Variants in ADAMTS2 observed in about 807,000 individuals in gnomAD.
ADAMTS2 encodes the protein A disintegrin and metalloproteinase with thrombospondin motifs 2.
ADAMTS2 carries 50 observed loss-of-function variants against 123.0 expected under a neutral mutation model. The ratio of observed to expected loss-of-function variants is 0.41; its 90% CI spans 0.32 to 0.51. The LOEUF (loss-of-function observed/expected upper bound fraction) is 0.51, where lower values mean the gene tolerates loss of function less well. Among genes scored for constraint, ADAMTS2 ranks in the 20% least tolerant of loss-of-function variants. The probability of loss-of-function intolerance (pLI) is 0.35; values close to 1 mark genes in which losing one functional copy is unlikely to be tolerated. For missense variants in ADAMTS2, 1,494 were observed against 1,705.2 expected (o/e 0.88, Z 2.18); for synonymous variants, 678 against 695.4 (o/e 0.98, Z 0.39).
intron 3 of ADAMTS2, among the ~76,000 whole-genome samples, chr5:179,221,806 T>C (rs889075248): frequency 5.3e-5 from 8 of 152,084 alleles, no homozygotes. Flanking sequence ...TCTCTCCCAG[T>C]GAGTGTCAGG....
chr5:179,337,959 C>T (rs750230097), intron 2 of ADAMTS2, among the ~76,000 whole-genome samples: 3 of 151,764 alleles, frequency 2.0e-5, no homozygotes, highest in Non-Finnish European at 2.9e-5. Flanking sequence ...CCAGCTGACT[C>T]TGCAGGAGGG....
intron 6 of ADAMTS2, among the ~76,000 whole-genome samples, chr5:179,157,098 G>C (rs1248056393): frequency 6.6e-6 from 1 of 151,594 alleles, no homozygotes; most frequent in Non-Finnish European, 1.5e-5. Flanking sequence ...TGAGTAGCTG[G>C]GATTACAGGC....
chr5:179,132,151 CT>C lies in ADAMTS2; in HGVS notation c.2290+78del. The C allele has an allele frequency of 6.9e-7, 1 of 1,454,688 alleles. No homozygotes were observed. The highest frequency in any genetic ancestry group is 9.6e-7 in the Non-Finnish European group (1 of 1,044,026). The allele number at this position is 1,454,688 out of a possible 1,614,324, so 90.1% of individuals were successfully genotyped here. A position where few individuals can be genotyped will look rare whatever the true frequency, so the allele number is the denominator to read the frequency against. On this transcript the variant is annotated intron_variant, in intron 15 of 21. Coordinates refer to ENST00000251582, the MANE Select transcript of ADAMTS2 (RefSeq NM_014244.5). This position sits in a 1 kb window ranked among gnomAD's most constrained non-coding sequence, Gnocchi z 6.1. ...GCTGCACAACCCGGGCCCCTGACCCCTGACCCCTGGCACTCTGCCCATTGAT... is the reference window on the plus strand; with the variant it reads ...GCTGCACAACCCGGGCCCCTGACCCCGACCCCTGGCACTCTGCCCATTGAT...
intron 3 of ADAMTS2, among the ~76,000 whole-genome samples, chr5:179,216,673 G>T (rs534372468): frequency 5.9e-5 from 9 of 152,312 alleles, no homozygotes; most frequent in Non-Finnish European, 8.8e-5. Context: ...GCTCACCTCC[G>T]GGAGCCTCCA....
At chr5:179,157,500 T>C (rs529482471) in intron 6 of ADAMTS2, among the ~76,000 whole-genome samples, 6 of 152,042 alleles carry the variant, frequency 3.9e-5, no homozygotes, top group Admixed American at 2.0e-4. Context: ...TGATATTTCA[T>C]TGTGTTTTTA....
At chr5:179,325,623 T>C (rs961608612) in intron 2 of ADAMTS2, among the ~76,000 whole-genome samples, 1 of 152,204 alleles carries the variant, frequency 6.6e-6, no homozygotes, top group African/African-American at 2.4e-5. Flanking sequence ...CCTGAGCCAG[T>C]GAGAACTCAC....
rs537251191 is a variant in ADAMTS2 at position 179,130,706 on chromosome 5, TG to T, written c.2291-609del. 5.2e-3 allele frequency among the ~76,000 whole-genome samples: 787 copies of T among 152,104 alleles called. 2 individuals carry two copies. Among genetic ancestry groups the T allele is most frequent in the Middle Eastern group, 0.014 (4 of 294 alleles). On this transcript the variant is annotated intron_variant, in intron 15 of 21. Coordinates refer to ENST00000251582, the MANE Select transcript of ADAMTS2 (RefSeq NM_014244.5). The surrounding 1 kb of genome is among the most constrained non-coding windows in gnomAD (Gnocchi z 4.3). The stretch of plus-strand genomic sequence containing the variant: ...AGGAAGCCCCATGCTCTCTGCAGTG[TG>T]GGGGGTGGCTGCTGCGGGGCAGCTG...
At chr5:179,296,586 C>T (rs1273344903) in intron 2 of ADAMTS2, among the ~76,000 whole-genome samples, 1 of 152,122 alleles carries the variant, frequency 6.6e-6, no homozygotes, top group African/African-American at 2.4e-5. Context: ...GGACCAGTGG[C>T]ATCCGACTCG....
At chr5:179,140,164 T>C (rs1048621611) in intron 10 of ADAMTS2, 129 bp from the exon 11 acceptor site, 9 of 1,366,866 alleles carry the variant, frequency 6.6e-6, no homozygotes, top group South Asian at 1.2e-5. Context: ...GAGCTCACCC[T>C]CCTCGCCCCT....
chr5:179,326,016 C>T (rs188202997), intron 2 of ADAMTS2, among the ~76,000 whole-genome samples: 10 of 152,344 alleles, frequency 6.6e-5, no homozygotes, highest in East Asian at 3.9e-4. Flanking sequence ...GGGATCAGAG[C>T]GCTCCCCCAA....
At chr5:179,292,393 T>C (rs1218666734) in intron 2 of ADAMTS2, among the ~76,000 whole-genome samples, 1 of 151,436 alleles carries the variant, frequency 6.6e-6, no homozygotes. Context: ...CACTCGACCA[T>C]AAAGAACAGG....
chr5:179,283,549 CAAAAAAAAAAAA>C (rs3986816), intron 2 of ADAMTS2, among the ~76,000 whole-genome samples: 2 of 51,344 alleles, frequency 3.9e-5, no homozygotes, highest in African/African-American at 1.9e-4. Context: ...AGAAAAACAG[CAAAAAAAAAAAA>C]AAAAAAAAAT....
chr5:179,213,813 A>G (rs1260195147), intron 3 of ADAMTS2, among the ~76,000 whole-genome samples: 1 of 152,234 alleles, frequency 6.6e-6, no homozygotes, highest in African/African-American at 2.4e-5. Flanking sequence ...CAACTCATGG[A>G]AAAAAATACA....
chr5:179,222,824 G>A (rs1765156711), intron 3 of ADAMTS2, among the ~76,000 whole-genome samples: 1 of 152,120 alleles, frequency 6.6e-6, no homozygotes. Context: ...GCCCTGAGAG[G>A]GCATCAAGTC....
intron 2 of ADAMTS2, among the ~76,000 whole-genome samples, chr5:179,329,615 G>C (rs1757426117): frequency 6.6e-6 from 1 of 152,172 alleles, no homozygotes; most frequent in Non-Finnish European, 1.5e-5. Flanking sequence ...TTCTTTGAAA[G>C]GCTGATACTT....
At chr5:179,333,596 GTTT>G (rs1219136980) in intron 2 of ADAMTS2, among the ~76,000 whole-genome samples, 1 of 105,996 alleles carries the variant, frequency 9.4e-6, no homozygotes. Flanking sequence ...GTTTTTTTCT[GTTT>G]TTTTTTTTTT....
intron 3 of ADAMTS2, among the ~76,000 whole-genome samples, chr5:179,267,904 C>T (rs115641951): frequency 6.6e-6 from 1 of 152,216 alleles, no homozygotes; most frequent in Non-Finnish European, 1.5e-5. Context: ...ACTCCCCAGA[C>T]CCCTGAGGCC....
chr5:179,311,891 C>T (rs78645211), intron 2 of ADAMTS2, among the ~76,000 whole-genome samples: 16,220 of 152,250 alleles, frequency 0.11, 1,087 homozygotes, highest in South Asian at 0.29. Flanking sequence ...ATAAAGTCCG[C>T]CTTACCGCGC....
At chr5:179,226,830 G>A (rs1011746971) in intron 3 of ADAMTS2, among the ~76,000 whole-genome samples, 2 of 152,116 alleles carry the variant, frequency 1.3e-5, no homozygotes, top group Admixed American at 6.5e-5. Flanking sequence ...GGATATCCAC[G>A]GCTGCATTAT....
Sources: gnomAD v4.1 joint callset for allele counts (sites outside exome capture counted in the v4.1 genomes callset) on GRCh38, gnomAD v4.1.1 for gene constraint, Gnocchi (gnomAD v3.1) non-coding constraint, MANE v1.5 for transcripts, NCBI Gene and HGNC (gene_info 2026-07-23, HGNC 2026-07-21) for gene names.